ANO3: variants seen among roughly 807,000 people sequenced by gnomAD.
ANO3 encodes anoctamin 3.
In ANO3, 99 loss-of-function variants were observed where a neutral mutation model predicts 144.8. The ratio of observed to expected loss-of-function variants is 0.68; its 90% confidence interval spans 0.58 to 0.81. The LOEUF (loss-of-function observed/expected upper bound fraction) is 0.81, where lower values mean the gene tolerates loss of function less well. ANO3 is among the 30% of genes least tolerant of loss of function. The pLI, the probability that ANO3 is intolerant of heterozygous loss-of-function variation, is 0.00. For synonymous variants in ANO3, 414 were observed against 392.6 expected, an observed-to-expected ratio of 1.05 and a Z score of -0.64; for missense variants, 905 against 1,202.2, an observed-to-expected ratio of 0.75 and a Z score of 3.66.
intron 1 of ANO3, among the ~76,000 whole-genome samples, chr11:26,318,802 G>A (rs1483762777): frequency 6.6e-6 from 1 of 152,102 alleles, no homozygotes; most frequent in East Asian, 1.9e-4. Flanking sequence ...CCAAGTTGAG[G>A]GTTCCTACTG....
chr11:26,315,645 C>G (rs531798892), intron 1 of ANO3, among the ~76,000 whole-genome samples: 1 of 147,506 alleles, frequency 6.8e-6, no homozygotes, highest in East Asian at 2.0e-4. Flanking sequence ...AAATCTGGAC[C>G]TATCTATCTG....
At chr11:26,445,217 G>A (rs1858660137) in intron 3 of ANO3, among the ~76,000 whole-genome samples, 1 of 152,088 alleles carries the variant, frequency 6.6e-6, no homozygotes, top group African/African-American at 2.4e-5. Flanking sequence ...TTGGGAAGCT[G>A]AAACTATATT....
intron 1 of ANO3, among the ~76,000 whole-genome samples, chr11:26,324,453 T>A (rs190357931): frequency 6.6e-6 from 1 of 152,302 alleles, no homozygotes; most frequent in Admixed American, 6.5e-5. Flanking sequence ...TTTAAGGAAA[T>A]GTCTATCAAA....
At chr11:26,409,612 A>T (rs1252635532) in intron 1 of ANO3, among the ~76,000 whole-genome samples, 1 of 152,002 alleles carries the variant, frequency 6.6e-6, no homozygotes, top group Admixed American at 6.6e-5. Flanking sequence ...AAGTATGGAG[A>T]TACATGTGAT....
At chr11:26,483,084 A>T (rs969784347) in intron 4 of ANO3, among the ~76,000 whole-genome samples, 2 of 151,696 alleles carry the variant, frequency 1.3e-5, no homozygotes, top group African/African-American at 4.8e-5. Context: ...CTTAGGCTAT[A>T]TACCTAGTAA....
chr11:26,265,420 C>G (rs548153377), intron 1 of ANO3, among the ~76,000 whole-genome samples: 69 of 152,262 alleles, frequency 4.5e-4, no homozygotes, highest in African/African-American at 1.6e-3. Flanking sequence ...CTTTGATAAG[C>G]TTTGGTTTGG....
Position 26,571,426 on chromosome 11 carries a change from C to A in ANO3, c.1447+11647C>A, listed in dbSNP as rs371510795. Among the ~76,000 whole-genome samples, 5 of 152,130 alleles carry A rather than the reference C, an allele frequency of 3.3e-5. No individual in the cohort carries two copies. The East Asian group carries it at 5.8e-4, about 18-fold the overall frequency. On this transcript the variant is annotated intron_variant, in intron 14 of 26. Transcript: ENST00000256737. ...ATGTTTTCTGTAGTAACTGATGTAACCTTTTAGATTTCCAGTGAAAGTTAG... is the reference window on the plus strand; with the variant it reads ...ATGTTTTCTGTAGTAACTGATGTAAACTTTTAGATTTCCAGTGAAAGTTAG...
At chr11:26,388,128 T>C (rs1275413314) in intron 1 of ANO3, among the ~76,000 whole-genome samples, 1 of 150,688 alleles carries the variant, frequency 6.6e-6, no homozygotes, top group Non-Finnish European at 1.5e-5. Flanking sequence ...AGATTCTTTA[T>C]AATTTTTATT....
intron 20 of ANO3, 61 bp from the exon 21 acceptor site, chr11:26,639,083 G>A (rs376000281): frequency 9.1e-6 from 10 of 1,100,830 alleles, no homozygotes; most frequent in East Asian, 2.4e-5. Context: ...TTAATGGTGG[G>A]CATGTCTGAG....
At chr11:26,289,747 T>C (rs1853909702) in intron 1 of ANO3, among the ~76,000 whole-genome samples, 1 of 144,334 alleles carries the variant, frequency 6.9e-6, no homozygotes, top group Non-Finnish European at 1.5e-5. Context: ...TGTATATATA[T>C]TCTATATGTG....
chr11:26,289,993 T>C (rs1296378920), intron 1 of ANO3, among the ~76,000 whole-genome samples: 1 of 152,010 alleles, frequency 6.6e-6, no homozygotes. Context: ...TGGTATCAGC[T>C]CCTGTTTGTA....
intron 7 of ANO3, among the ~76,000 whole-genome samples, chr11:26,530,497 CTATCATCT>C (rs1223466700): frequency 2.2e-4 from 4 of 18,040 alleles, no homozygotes; most frequent in African/African-American, 2.8e-4. Flanking sequence ...ATCTATCTAT[CTATCATCT>C]ATCTATCTAC....
intron 11 of ANO3, among the ~76,000 whole-genome samples, chr11:26,545,376 G>A (rs1423540688): frequency 6.6e-6 from 1 of 151,930 alleles, no homozygotes; most frequent in African/African-American, 2.4e-5. Flanking sequence ...ACCATTTCTG[G>A]ACATGTGTCT....
intron 20 of ANO3, among the ~76,000 whole-genome samples, chr11:26,636,589 G>C (rs1273686214): frequency 2.0e-5 from 3 of 151,866 alleles, no homozygotes; most frequent in Non-Finnish European, 2.9e-5. Flanking sequence ...AGTCACAGAT[G>C]TGCAGTGCCT....
intron 3 of ANO3, among the ~76,000 whole-genome samples, chr11:26,446,857 C>T (rs1858718844): frequency 1.3e-5 from 2 of 151,184 alleles, no homozygotes; most frequent in South Asian, 4.2e-4. Context: ...TTATCTTTCA[C>T]TCCAAATTCT....
intron 14 of ANO3, chr11:26,565,593 C>A: frequency 4.3e-6 from 7 of 1,613,276 alleles, no homozygotes; most frequent in Non-Finnish European, 5.9e-6. Context: ...TGATGAGTTA[C>A]TGGAGAAATC....
At chr11:26,514,101 A>G (rs1861771430) in intron 5 of ANO3, among the ~76,000 whole-genome samples, 1 of 150,152 alleles carries the variant, frequency 6.7e-6, no homozygotes, top group Non-Finnish European at 1.5e-5. Flanking sequence ...TTTTTTTAAG[A>G]AAATGTATGC....
At chr11:26,340,118 C>T (rs912481099) in intron 1 of ANO3, among the ~76,000 whole-genome samples, 4 of 152,198 alleles carry the variant, frequency 2.6e-5, no homozygotes, top group African/African-American at 9.7e-5. Flanking sequence ...TTCTTATCAT[C>T]GTACTCTTAG....
chr11:26,393,250 C>G (rs1225937159), intron 1 of ANO3, among the ~76,000 whole-genome samples: 1 of 152,080 alleles, frequency 6.6e-6, no homozygotes, highest in Non-Finnish European at 1.5e-5. Flanking sequence ...ATACCCTATA[C>G]AGTCCTCATC....
Sources: allele counts gnomAD v4.1 joint callset (sites outside exome capture counted in the v4.1 genomes callset), GRCh38; gene constraint gnomAD v4.1.1; transcripts MANE v1.5; gene names NCBI Gene and HGNC (gene_info 2026-07-23, HGNC 2026-07-21).